PCDHA1: variants seen among roughly 807,000 people sequenced by gnomAD.
PCDHA1 encodes protocadherin alpha 1.
Under a neutral mutation model 61.3 loss-of-function variants are expected in PCDHA1, and 42 were observed. That is an observed-to-expected ratio of 0.69 (90% CI 0.54 to 0.89). PCDHA1 has a LOEUF of 0.89. Among genes scored for constraint, PCDHA1 ranks in the 40% least tolerant of loss-of-function variants. The probability of loss-of-function intolerance (pLI) is 0.00; values close to 1 mark genes in which losing one functional copy is unlikely to be tolerated. For missense variants in PCDHA1, 1,256 were observed against 1,235.3 expected (o/e 1.02, Z -0.25); for synonymous variants, 610 against 553.8 (o/e 1.10, Z -1.43).
chr5:140,920,804 A>G (rs2079833395), intron 1 of PCDHA1, among the ~76,000 whole-genome samples: 1 of 151,364 alleles, frequency 6.6e-6, no homozygotes, highest in South Asian at 2.1e-4. Context: ...AGATCACGCC[A>G]CTGCACTCCA....
chr5:140,826,555 T>C (rs2150080070), intron 1 of PCDHA1, among the ~76,000 whole-genome samples: 1 of 152,270 alleles, frequency 6.6e-6, no homozygotes, highest in East Asian at 1.9e-4. Context: ...TTTTTCTCCT[T>C]TGAAGGAGGG....
chr5:140,841,654 C>T lies in PCDHA1; in HGVS notation c.2394+52970C>T, dbSNP rs1270188852. ...GCATCCACCTGGAGGTGATCGTGGA[C>T]AGGCCGCTGCAGGTTTTCCATGTGG... On this transcript the variant is annotated intron_variant, in intron 1 of 3. Transcript: ENST00000504120. 3 of 1,613,998 alleles carry T rather than the reference C, an allele frequency of 1.9e-6. No homozygotes were observed. In the African/African-American group the frequency reaches 4.0e-5, roughly 22 times the overall value.
chr5:140,884,319 C>T lies in PCDHA1; in HGVS notation c.2395-94630C>T. ...CCACAGGCTTCGTCGAGGGCGTCGG[C>T]AGGCGCTGTGGGTCCAGAAGCGGCG... On this transcript the variant is annotated intron_variant, in intron 1 of 3. Transcript: ENST00000504120. 6.2e-7 allele frequency: 1 copy of T among 1,613,800 alleles called. No homozygotes were observed. The highest frequency in any genetic ancestry group is 8.5e-7 in the Non-Finnish European group (1 of 1,179,860).
At chr5:140,892,595 A>G (rs1424989273) in intron 1 of PCDHA1, among the ~76,000 whole-genome samples, 1 of 151,958 alleles carries the variant, frequency 6.6e-6, no homozygotes, top group African/African-American at 2.4e-5. Flanking sequence ...TCATTCACCT[A>G]TTTTTTTCCT....
At chr5:140,829,876 C>G in intron 1 of PCDHA1, 2 of 1,613,910 alleles carry the variant, frequency 1.2e-6, no homozygotes, top group Non-Finnish European at 8.5e-7. Flanking sequence ...CGAAGGTGCG[C>G]GCAGTTGACG....
Position 140,787,047 on chromosome 5 carries a change from G to A in PCDHA1, c.757G>A (p.Glu253Lys), listed in dbSNP as rs1158308475. The A allele has an allele frequency of 1.2e-6, 2 of 1,614,214 alleles. No individual in the cohort carries two copies. The highest frequency in any genetic ancestry group is 2.2e-5 in the East Asian group (1 of 44,892). ...GGCCGTATACAGAGTCCACTTGTTAGAGACTACAGCAAATGGAACATTAGT... is the reference window on the plus strand; with the variant it reads ...GGCCGTATACAGAGTCCACTTGTTAAAGACTACAGCAAATGGAACATTAGT... ...DQAVYRVHLL[E>K]TTANGTLVTT... Residue 253 changes from glutamate to lysine, a missense_variant, in exon 1 of 4, where the codon GAG becomes AAG. Glu to Lys is a moderately conservative substitution (Grantham distance 56). Coordinates refer to ENST00000504120, the MANE Select transcript of PCDHA1 (RefSeq NM_018900.4).
intron 1 of PCDHA1, chr5:140,821,943 G>A (rs2150112209): frequency 1.2e-6 from 2 of 1,614,184 alleles, no homozygotes; most frequent in East Asian, 4.5e-5. Context: ...TGGAGCTGGC[G>A]GAGCTGGTGC....
chr5:141,008,872 A>C (rs1174901625), intron 3 of PCDHA1, among the ~76,000 whole-genome samples: 1 of 152,140 alleles, frequency 6.6e-6, no homozygotes, highest in Non-Finnish European at 1.5e-5. Context: ...GCTGCATCCC[A>C]CCACCCTTCA....
intron 1 of PCDHA1, among the ~76,000 whole-genome samples, chr5:140,888,358 C>T (rs2061801167): frequency 6.6e-6 from 1 of 152,178 alleles, no homozygotes; most frequent in Non-Finnish European, 1.5e-5. Flanking sequence ...TTGCTACTGG[C>T]ATCTAATAAT....
intron 1 of PCDHA1, chr5:140,801,488 G>A (rs1448988346): frequency 3.7e-6 from 6 of 1,614,026 alleles, no homozygotes; most frequent in Middle Eastern, 1.7e-4. Flanking sequence ...AACTGTGCGG[G>A]CGGAGCGCGG....
At chr5:140,993,460 T>TCACA (rs1554253699) in intron 3 of PCDHA1, among the ~76,000 whole-genome samples, 76 of 104,564 alleles carry the variant, frequency 7.3e-4, no homozygotes, top group Admixed American at 2.0e-3. Context: ...CTTCTTTCTT[T>TCACA]CTCACACACA....
chr5:140,993,631 G>A (rs1466996708), intron 3 of PCDHA1, among the ~76,000 whole-genome samples: 2 of 152,162 alleles, frequency 1.3e-5, no homozygotes, highest in African/African-American at 2.4e-5. Context: ...ATATATAGTC[G>A]TGTACCAAAT....
intron 1 of PCDHA1, chr5:140,808,430 C>G (rs782400993): frequency 8.1e-6 from 13 of 1,614,128 alleles, no homozygotes; most frequent in Non-Finnish European, 1.0e-5. Flanking sequence ...TGCCCTGGAC[C>G]GCGAGAGCGT....
At chr5:140,958,921 G>A (rs269549) in intron 1 of PCDHA1, among the ~76,000 whole-genome samples, 34,177 of 150,822 alleles carry the variant, frequency 0.23, 4,980 homozygotes, top group African/African-American at 0.42. Context: ...GCCTGGGTGT[G>A]GTGGCTCATA....
At chr5:140,788,770 G>A (rs1761495196) in intron 1 of PCDHA1, 86 bp downstream of exon 1, 1 of 1,450,776 alleles carries the variant, frequency 6.9e-7, no homozygotes, top group African/African-American at 1.4e-5. Flanking sequence ...TTTAAAAAAT[G>A]TCTTCAAGGT....
intron 1 of PCDHA1, chr5:140,797,330 C>G (rs1554120409): frequency 6.2e-7 from 1 of 1,614,110 alleles, no homozygotes; most frequent in South Asian, 1.1e-5. Flanking sequence ...AAACAGCTCT[C>G]AGAATCAGAA....
At chr5:140,868,887 G>A in intron 1 of PCDHA1, 1 of 740,170 alleles carries the variant, frequency 1.4e-6, no homozygotes, top group Admixed American at 3.1e-5. Context: ...CACAGTTTTA[G>A]GCGCAAGGTG....
chr5:140,829,648 G>C (rs2150172028), intron 1 of PCDHA1: 2 of 1,612,244 alleles, frequency 1.2e-6, no homozygotes, highest in South Asian at 2.2e-5. Flanking sequence ...AGGTGTACGC[G>C]CTGCAGCCGC....
At position 140,809,241 on chromosome 5, in the gene PCDHA1, G is replaced by A. The variant is rs1241553010; in HGVS notation, c.2394+20557G>A. ...AAGGCCTCCTCACGGGCGTTGGTGG[G>A]CGCTGTGGGTCCCGATGCTGCGCTG... On this transcript the variant is annotated intron_variant, in intron 1 of 3. Transcript: ENST00000504120. 3 of 1,613,960 alleles carry A rather than the reference G, an allele frequency of 1.9e-6. No individual in the cohort carries two copies. The Admixed American group carries it at 5.0e-5, about 27-fold the overall frequency.
Sources: gnomAD v4.1 joint callset for allele counts (sites outside exome capture counted in the v4.1 genomes callset) on GRCh38, gnomAD v4.1.1 for gene constraint, MANE v1.5 for transcripts, NCBI Gene and HGNC (gene_info 2026-07-23, HGNC 2026-07-21) for gene names.